SLC5A12: variants seen among roughly 807,000 people sequenced by gnomAD.
SLC5A12 encodes solute carrier family 5 member 12.
In SLC5A12, 46 loss-of-function variants were observed where a neutral mutation model predicts 72.7. The ratio of observed to expected loss-of-function variants is 0.63; its 90% confidence interval spans 0.50 to 0.81. The LOEUF (loss-of-function observed/expected upper bound fraction) is 0.81, where lower values mean the gene tolerates loss of function less well. Among genes scored for constraint, SLC5A12 ranks in the 30% least tolerant of loss-of-function variants. SLC5A12 has a pLI of 0.00. For missense variants in SLC5A12, 683 were observed against 740.7 expected (o/e 0.92, Z 0.90); for synonymous variants, 275 against 264.4 (o/e 1.04, Z -0.39).
chr11:26,676,515 GATAAAT>G (rs1459855370), intron 13 of SLC5A12, among the ~76,000 whole-genome samples: 18 of 152,180 alleles, frequency 1.2e-4, no homozygotes, highest in Admixed American at 1.1e-3. Context: ...GTAAGATTCA[GATAAAT>G]ATAAACTACT....
chr11:26,702,139 A>C (rs1854971871), intron 6 of SLC5A12, among the ~76,000 whole-genome samples: 1 of 152,200 alleles, frequency 6.6e-6, no homozygotes, highest in East Asian at 1.9e-4. Flanking sequence ...TTCGGATCAA[A>C]GTCACATGCA....
intron 2 of SLC5A12, among the ~76,000 whole-genome samples, chr11:26,712,144 C>T (rs1855243782): frequency 6.6e-6 from 1 of 151,898 alleles, no homozygotes; most frequent in African/African-American, 2.4e-5. Context: ...AAATTTGGAG[C>T]AGCATGAAGA....
chr11:26,669,128 T>A lies in SLC5A12; in HGVS notation c.*1974A>T, dbSNP rs1854066863. Reference sequence around the variant, plus strand: ...TTATTCTCATCCTCAGAATTGCTGTTTTTTTATTCTTTCTGTCTCTCTCTT... The same window carrying A: ...TTATTCTCATCCTCAGAATTGCTGTATTTTTATTCTTTCTGTCTCTCTCTT... On this transcript the variant is annotated 3_prime_UTR_variant, in exon 15 of 15. Coordinates refer to ENST00000396005, the MANE Select transcript of SLC5A12 (RefSeq NM_178498.4). 1 of 149,740 alleles carries A rather than the reference T, an allele frequency of 6.7e-6. No individual in the cohort carries two copies. Among genetic ancestry groups the A allele is most frequent in the Non-Finnish European group, 1.5e-5 (1 of 66,942 alleles). The allele number at this position is 149,740 out of a possible 1,614,324, so 9.3% of individuals were successfully genotyped here.
chr11:26,703,542 C>G lies in SLC5A12; in HGVS notation c.810G>C (p.Lys270Asn), dbSNP rs1249211301. ...GACTGAGAACTTACAGCTTAGCATG[C>G]TTTTCTGTTTTGCAAGAGATGCATC... is the stretch of plus-strand genomic sequence containing the variant. ...IQRCISCKTE[K>N]HAKLALYFNL... Residue 270 changes from lysine (K) to asparagine (N), a missense_variant, in exon 6 of 15, where the codon AAG (lysine) becomes AAC (asparagine). Physicochemically the swap from Lys to Asn is moderately conservative, Grantham distance 94. Transcript: ENST00000396005. 6.2e-7 allele frequency: 1 copy of G among 1,613,444 alleles called. No individual in the cohort carries two copies. Among genetic ancestry groups the G allele is most frequent in the Non-Finnish European group, 8.5e-7 (1 of 1,179,848 alleles).
chr11:26,717,410 A>G (rs1855375583), intron 1 of SLC5A12, among the ~76,000 whole-genome samples: 2 of 152,172 alleles, frequency 1.3e-5, no homozygotes, highest in African/African-American at 4.8e-5. Context: ...AAGAGAAGGA[A>G]GGAAATAACT....
chr11:26,685,801 G>C (rs1854519056), intron 10 of SLC5A12, among the ~76,000 whole-genome samples: 2 of 151,870 alleles, frequency 1.3e-5, no homozygotes, highest in Admixed American at 1.3e-4. Flanking sequence ...ACTTGAACAG[G>C]GTATTTTCAC....
At chr11:26,680,328 CATATATATAT>C (rs1565185639) in intron 12 of SLC5A12, among the ~76,000 whole-genome samples, 9 of 75,026 alleles carry the variant, frequency 1.2e-4, no homozygotes, top group African/African-American at 5.5e-4. Flanking sequence ...TATATATATT[CATATATATAT>C]GTATATATAT....
intron 3 of SLC5A12, 90 bp from the exon 4 acceptor site, chr11:26,709,469 CAG>C: frequency 2.0e-6 from 2 of 983,116 alleles, no homozygotes; most frequent in South Asian, 3.1e-5. Context: ...ATATTTTTAT[CAG>C]TGTTCTTTGT....
intron 12 of SLC5A12, among the ~76,000 whole-genome samples, chr11:26,680,149 C>T (rs890183818): frequency 4.0e-5 from 6 of 151,240 alleles, no homozygotes; most frequent in Admixed American, 1.3e-4. Context: ...TGATGATAAT[C>T]AGAAAAGGGC....
intron 12 of SLC5A12, among the ~76,000 whole-genome samples, chr11:26,680,632 C>G (rs886621115): frequency 6.6e-6 from 1 of 151,678 alleles, no homozygotes; most frequent in Admixed American, 6.6e-5. Flanking sequence ...TTTGTTAAAC[C>G]CTGTGTTCAT....
rs1220234819 is a variant in SLC5A12 at position 26,678,825 on chromosome 11, A to G, written c.1476-10T>C. The G allele has an allele frequency of 1.3e-6, 2 of 1,588,066 alleles. No homozygotes were observed. Among genetic ancestry groups the G allele is most frequent in the African/African-American group, 1.4e-5 (1 of 74,032 alleles). ...ATCAGCTATTCCAGGTCTGTGGAGA[A>G]CAGCACATGTCACCAATTCCATGCA... On this transcript the variant is annotated splice_polypyrimidine_tract_variant and intron_variant, in intron 12 of 14. Coordinates refer to ENST00000396005, the MANE Select transcript of SLC5A12 (RefSeq NM_178498.4).
intron 9 of SLC5A12, among the ~76,000 whole-genome samples, chr11:26,687,176 A>G (rs1283786854): frequency 6.6e-6 from 1 of 152,186 alleles, no homozygotes; most frequent in East Asian, 1.9e-4. Flanking sequence ...ATGAATCAGC[A>G]TATGTATTTT....
chr11:26,699,051 C>CA lies in SLC5A12; in HGVS notation c.822-517dup, dbSNP rs1854896159. ...TTTTTTAAAAAGACAACAGAAAGTACAAAAAACTTAGGATCATCTTACCCA... is the reference window on the plus strand; with the variant it reads ...TTTTTTAAAAAGACAACAGAAAGTACAAAAAAACTTAGGATCATCTTACCCA... On this transcript the variant is annotated intron_variant, in intron 6 of 14. Coordinates refer to ENST00000396005, the MANE Select transcript of SLC5A12 (RefSeq NM_178498.4). Among the ~76,000 whole-genome samples the CA allele has an allele frequency of 2.0e-5, 3 of 152,220 alleles. No individual in the cohort carries two copies. In the South Asian group the frequency reaches 6.2e-4, roughly 32 times the overall value.
chr11:26,717,320 G>A (rs141652486), intron 1 of SLC5A12, among the ~76,000 whole-genome samples: 1,688 of 152,194 alleles, frequency 0.011, 15 homozygotes, highest in Non-Finnish European at 0.016. Context: ...CAAGAAATAT[G>A]AGAGAACAGG....
At chr11:26,714,885 C>T (rs1855313927) in intron 1 of SLC5A12, among the ~76,000 whole-genome samples, 1 of 152,080 alleles carries the variant, frequency 6.6e-6, no homozygotes, top group Non-Finnish European at 1.5e-5. Flanking sequence ...TTCAGGTCCT[C>T]TCTTCAGATG....
At chr11:26,675,646 A>G (rs1854247442) in intron 13 of SLC5A12, among the ~76,000 whole-genome samples, 1 of 152,204 alleles carries the variant, frequency 6.6e-6, no homozygotes, top group Non-Finnish European at 1.5e-5. Context: ...CTCTAGATGT[A>G]TAGTAACCTG....
Position 26,712,626 on chromosome 11 carries a change from G to C in SLC5A12, c.405+15C>G. ...CCTCACAGTTTCCACATCTGCAGCA[G>C]CCATGACCACTTACCGTCTGTACAA... is the stretch of plus-strand genomic sequence containing the variant. On this transcript the variant is annotated intron_variant, in intron 2 of 14. Coordinates refer to ENST00000396005, the MANE Select transcript of SLC5A12 (RefSeq NM_178498.4). The C allele has an allele frequency of 1.3e-6, 2 of 1,518,226 alleles. No individual in the cohort carries two copies. Among genetic ancestry groups the C allele is most frequent in the Non-Finnish European group, 1.8e-6 (2 of 1,113,482 alleles). The allele number at this position is 1,518,226 out of a possible 1,614,324, so 94.0% of individuals were successfully genotyped here.
At chr11:26,678,935 G>A (rs544411427) in intron 12 of SLC5A12, 120 bp from the exon 13 acceptor site, 41 of 528,008 alleles carry the variant, frequency 7.8e-5, no homozygotes, top group Non-Finnish European at 1.2e-4. Flanking sequence ...ATAACTTTTT[G>A]TCATTTAAAA....
intron 10 of SLC5A12, 122 bp from the exon 11 acceptor site, chr11:26,683,965 A>C: frequency 1.5e-6 from 1 of 672,550 alleles, no homozygotes; most frequent in Non-Finnish European, 2.6e-6. Flanking sequence ...CCATTTGTTA[A>C]TTATGTGCTT....
Sources: allele counts gnomAD v4.1 joint callset (sites outside exome capture counted in the v4.1 genomes callset), GRCh38; gene constraint gnomAD v4.1.1; transcripts MANE v1.5; gene names NCBI Gene and HGNC (gene_info 2026-07-23, HGNC 2026-07-21).